Variants in FAM20A observed in about 807,000 individuals in gnomAD.
The protein encoded by FAM20A is FAM20A golgi associated secretory pathway pseudokinase.
In FAM20A, 42 loss-of-function variants were observed where a neutral mutation model predicts 52.0. The observed-to-expected ratio is 0.81, with a 90% CI of 0.63 to 1.04. The LOEUF (loss-of-function observed/expected upper bound fraction) is 1.04. Among genes scored for constraint, FAM20A ranks in the 50% least tolerant of loss-of-function variants. The pLI is 0.00. For synonymous variants in FAM20A, 304 were observed against 298.9 expected (o/e 1.02, Z -0.18); for missense variants, 742 against 712.7 (o/e 1.04, Z -0.47).
At position 68,535,806 on chromosome 17, in the gene FAM20A, T is replaced by C. The variant is rs1012857669; in HGVS notation, c.*1671A>G. 1 of 453,808 alleles carries C rather than the reference T, an allele frequency of 2.2e-6. No individual in the cohort carries two copies. The highest frequency in any genetic ancestry group is 2.0e-5 in the African/African-American group (1 of 49,936). The allele number at this position is 453,808 out of a possible 1,614,324, so 28.1% of individuals were successfully genotyped here. ...TTACAGGTGTGAGCCCATGCCCAGCTGATTTTTTTTTTAAGCAAACAAATT... is the reference window on the plus strand; with the variant it reads ...TTACAGGTGTGAGCCCATGCCCAGCCGATTTTTTTTTTAAGCAAACAAATT... On this transcript the variant is annotated 3_prime_UTR_variant, in exon 11 of 11. Transcript: ENST00000592554.
chr17:68,567,382 T>C (rs921245453), intron 1 of FAM20A, among the ~76,000 whole-genome samples: 10 of 151,946 alleles, frequency 6.6e-5, no homozygotes, highest in African/African-American at 2.4e-4. Context: ...AACATCTACA[T>C]TCAACATGTT....
At chr17:68,572,021 T>C (rs189368792) in intron 1 of FAM20A, among the ~76,000 whole-genome samples, 11 of 120,722 alleles carry the variant, frequency 9.1e-5, no homozygotes, top group African/African-American at 2.7e-4. Flanking sequence ...TATATATATA[T>C]ATATATATAT....
chr17:68,546,703 G>A (rs866714689), intron 4 of FAM20A, among the ~76,000 whole-genome samples: 12 of 151,882 alleles, frequency 7.9e-5, no homozygotes, highest in African/African-American at 9.7e-5. Context: ...GGTGGCCGGC[G>A]CCTGTAGTCC....
chr17:68,596,377 G>A (rs186972207), intron 1 of FAM20A, among the ~76,000 whole-genome samples: 11 of 152,306 alleles, frequency 7.2e-5, no homozygotes, highest in Admixed American at 4.6e-4. Context: ...CTTGCCTGTC[G>A]AGACCAGAGG....
At chr17:68,572,669 C>A (rs1234960647) in intron 1 of FAM20A, among the ~76,000 whole-genome samples, 1 of 152,208 alleles carries the variant, frequency 6.6e-6, no homozygotes, top group African/African-American at 2.4e-5. Flanking sequence ...AACGAGCTGA[C>A]TCATCATCAG....
intron 1 of FAM20A, among the ~76,000 whole-genome samples, chr17:68,594,802 A>T (rs148732615): frequency 5.9e-5 from 9 of 152,272 alleles, no homozygotes; most frequent in African/African-American, 1.9e-4. Context: ...TCTGCTTTGA[A>T]TCTCACTTCC....
At chr17:68,548,445 G>A (rs1323509008) in intron 4 of FAM20A, among the ~76,000 whole-genome samples, 1 of 152,022 alleles carries the variant, frequency 6.6e-6, no homozygotes, top group African/African-American at 2.4e-5. Flanking sequence ...CAAGAGAATC[G>A]CTTGAACCCA....
intron 1 of FAM20A, among the ~76,000 whole-genome samples, chr17:68,568,827 C>T (rs1055634714): frequency 6.6e-6 from 1 of 150,504 alleles, no homozygotes; most frequent in Non-Finnish European, 1.5e-5. Context: ...TTAACTTAAT[C>T]ATATGGGCAA....
At chr17:68,541,006 G>A (rs776387326) in intron 7 of FAM20A, 48 bp from the exon 8 acceptor site, 5 of 1,550,520 alleles carry the variant, frequency 3.2e-6, no homozygotes, top group Non-Finnish European at 2.6e-6. Flanking sequence ...AGATGGCAGG[G>A]TGTCGGGGGT....
Position 68,581,679 on chromosome 17 carries a change from G to A in FAM20A, c.404+18584C>T, listed in dbSNP as rs192212561. On this transcript the variant is annotated intron_variant, in intron 1 of 10. Transcript: ENST00000592554. ...CAGCCTCCGCCTCCCGGGTTTAAGC[G>A]ATTGTCTTGCCTCAGCCTCCTGAGT... Among the ~76,000 whole-genome samples, 311 of 149,932 alleles carry A rather than the reference G, an allele frequency of 2.1e-3. 1 individual carries two copies. The highest frequency in any genetic ancestry group is 2.6e-3 in the Non-Finnish European group (179 of 67,648).
chr17:68,597,694 TTA>T (rs1215278810), intron 1 of FAM20A, among the ~76,000 whole-genome samples: 2 of 152,270 alleles, frequency 1.3e-5, no homozygotes, highest in East Asian at 3.9e-4. Context: ...CCTCATATGT[TTA>T]TAAATCACTA....
At chr17:68,542,960 G>A in intron 5 of FAM20A, 151 bp from the exon 6 acceptor site, 1 of 703,340 alleles carries the variant, frequency 1.4e-6, no homozygotes, top group Non-Finnish European at 2.6e-6. Flanking sequence ...AGCTGGTAGT[G>A]CCCAGGTCAA....
intron 4 of FAM20A, among the ~76,000 whole-genome samples, chr17:68,546,014 A>G (rs939933086): frequency 2.0e-5 from 3 of 151,850 alleles, no homozygotes; most frequent in Non-Finnish European, 4.4e-5. Flanking sequence ...CTAAAAATAC[A>G]AAAAATTAGC....
At position 68,571,946 on chromosome 17, in the gene FAM20A, A is replaced by G. The variant is rs942496207; in HGVS notation, c.405-16203T>C. Among the ~76,000 whole-genome samples, 82 of 143,592 alleles carry G rather than the reference A, an allele frequency of 5.7e-4. 1 individual carries two copies. Among genetic ancestry groups the G allele is most frequent in the African/African-American group, 2.0e-3 (78 of 39,896 alleles). The allele number at this position is 143,592 out of a possible 152,430, so 94.2% of individuals were successfully genotyped here. ...ATATCAAACTTATGTAGAAATATATATATGTGTGTGTGTGTATATATATGT... is the reference window on the plus strand; with the variant it reads ...ATATCAAACTTATGTAGAAATATATGTATGTGTGTGTGTGTATATATATGT... On this transcript the variant is annotated intron_variant, in intron 1 of 10. Transcript: ENST00000592554.
At chr17:68,549,101 G>T (rs1168133116) in intron 4 of FAM20A, among the ~76,000 whole-genome samples, 1 of 152,154 alleles carries the variant, frequency 6.6e-6, no homozygotes, top group East Asian at 1.9e-4. Context: ...TTATTTTCCT[G>T]CAAAGGAAAT....
In FAM20A at chr17:68,537,176, A is replaced by G; in HGVS notation, c.*301T>C. ...TTACCATTAGTACTCTCCTGGGATC[A>G]AGGCTGCCAAGCCTGACCTATACCC... On this transcript the variant is annotated 3_prime_UTR_variant, in exon 11 of 11. Coordinates refer to ENST00000592554, the MANE Select transcript of FAM20A (RefSeq NM_017565.4). The surrounding 1 kb of genome is among the most constrained non-coding windows in gnomAD (Gnocchi z 4.2). 1 of 568,922 alleles carries G rather than the reference A, an allele frequency of 1.8e-6. No homozygotes were observed. Among genetic ancestry groups the G allele is most frequent in the Non-Finnish European group, 3.3e-6 (1 of 301,930 alleles). 35.2% of individuals were successfully genotyped at this position (568,922 alleles called of 1,614,324 possible).
At chr17:68,552,238 T>A (rs570209985) in intron 3 of FAM20A, among the ~76,000 whole-genome samples, 27 of 151,000 alleles carry the variant, frequency 1.8e-4, no homozygotes, top group Middle Eastern at 3.4e-3. Context: ...GAGACCTCCA[T>A]TTTGAAAAAA....
intron 1 of FAM20A, among the ~76,000 whole-genome samples, chr17:68,560,608 T>C (rs1261949683): frequency 6.6e-6 from 1 of 152,224 alleles, no homozygotes; most frequent in African/African-American, 2.4e-5. Flanking sequence ...TTGTTTGTAA[T>C]GTTTTGTTAT....
At position 68,600,247 on chromosome 17, in the gene FAM20A, C is replaced by G. The variant is rs771196775; in HGVS notation, c.404+16G>C. The stretch of plus-strand genomic sequence containing the variant: ...CCAGAGCGCCCGCTCTCCCGCGTCC[C>G]GGGCGGGGTCCTCACCTGTTCCAGC... On this transcript the variant is annotated intron_variant, in intron 1 of 10. Coordinates refer to ENST00000592554, the MANE Select transcript of FAM20A (RefSeq NM_017565.4). This position sits in a 1 kb window ranked among gnomAD's most constrained non-coding sequence, Gnocchi z 6.2. 1 of 1,553,776 alleles carries G rather than the reference C, an allele frequency of 6.4e-7. No individual in the cohort carries two copies. Among genetic ancestry groups the G allele is most frequent in the Admixed American group, 1.9e-5 (1 of 52,086 alleles).
Sources: gnomAD v4.1 joint callset for allele counts (sites outside exome capture counted in the v4.1 genomes callset) on GRCh38, gnomAD v4.1.1 for gene constraint, Gnocchi (gnomAD v3.1) non-coding constraint, MANE v1.5 for transcripts, NCBI Gene and HGNC (gene_info 2026-07-23, HGNC 2026-07-21) for gene names.